ANKRD31: variants seen among roughly 807,000 people sequenced by gnomAD.
ANKRD31 encodes ankyrin repeat domain-containing protein 31.
Under a neutral mutation model 186.0 loss-of-function variants are expected in ANKRD31, and 147 were observed. The observed-to-expected ratio is 0.79, with a 90% CI of 0.69 to 0.91. The LOEUF is 0.91. ANKRD31 is among the 40% of genes least tolerant of loss of function. The pLI is 0.00. For synonymous variants in ANKRD31, 673 were observed against 736.4 expected (o/e 0.91, Z 1.39); for missense variants, 1,986 against 2,148.8 (o/e 0.92, Z 1.50).
At chr5:75,084,878 T>C (rs1480225322) in intron 23 of ANKRD31, among the ~76,000 whole-genome samples, 6 of 152,134 alleles carry the variant, frequency 3.9e-5, no homozygotes, top group Non-Finnish European at 5.9e-5. Context: ...AGACATCCAT[T>C]TTTTTTGGTT....
chr5:75,226,147 T>G (rs1367732984), intron 2 of ANKRD31, among the ~76,000 whole-genome samples: 1 of 152,164 alleles, frequency 6.6e-6, no homozygotes, highest in Non-Finnish European at 1.5e-5. Context: ...CACAGTAGAA[T>G]AGAATACCAC....
intron 19 of ANKRD31, among the ~76,000 whole-genome samples, chr5:75,114,381 T>G (rs1179403670): frequency 6.6e-6 from 1 of 152,184 alleles, no homozygotes; most frequent in Non-Finnish European, 1.5e-5. Flanking sequence ...GGATAGCAGC[T>G]ACTCCATAAT....
chr5:75,148,733 T>C (rs1751657634), intron 12 of ANKRD31, 105 bp from the exon 13 acceptor site: 1 of 698,488 alleles, frequency 1.4e-6, no homozygotes, highest in East Asian at 3.0e-5. Flanking sequence ...GTGGAATAAG[T>C]GAAATTATGC....
chr5:75,145,755 T>C (rs1182107316), intron 14 of ANKRD31, among the ~76,000 whole-genome samples: 1 of 152,014 alleles, frequency 6.6e-6, no homozygotes, highest in East Asian at 1.9e-4. Context: ...AAAACTACTG[T>C]TTATTACCAT....
chr5:75,176,658 C>A (rs1432736195), intron 10 of ANKRD31, among the ~76,000 whole-genome samples: 2 of 152,166 alleles, frequency 1.3e-5, no homozygotes, highest in South Asian at 4.1e-4. Context: ...TCCAACAGAC[C>A]TGCAGCTGAG....
rs12953205 is a variant in ANKRD31, at chr5:75,134,198, A to T, written c.3876+3658T>A. Among the ~76,000 whole-genome samples the T allele has an allele frequency of 1.5e-4, 23 of 152,230 alleles. No homozygotes were observed. In the South Asian group the frequency reaches 4.8e-3, roughly 32 times the overall value. On this transcript the variant is annotated intron_variant, in intron 17 of 25. Coordinates refer to ENST00000506364, the MANE Select transcript of ANKRD31 (RefSeq NM_001372053.1). ...ACTGAAGGAGATAGAGACACAAAAA[A>T]CCCTTCAAAATATTAATGAATCCAG...
At chr5:75,102,344 T>A (rs905135627) in intron 22 of ANKRD31, among the ~76,000 whole-genome samples, 36 of 152,228 alleles carry the variant, frequency 2.4e-4, no homozygotes, top group African/African-American at 8.7e-4. Context: ...TTGGCCCTAA[T>A]GGGAGATGCC....
chr5:75,217,573 G>A (rs1207756406), intron 3 of ANKRD31, among the ~76,000 whole-genome samples: 1 of 152,028 alleles, frequency 6.6e-6, no homozygotes. Context: ...AATTAGGATT[G>A]CATCACCTGC....
chr5:75,081,700 C>CAGAGAGAG (rs935046250), intron 24 of ANKRD31, among the ~76,000 whole-genome samples: 68 of 137,082 alleles, frequency 5.0e-4, no homozygotes, highest in Admixed American at 1.9e-3. Context: ...GAGAGAGAGA[C>CAGAGAGAG]AGAGAGAGAG....
chr5:75,117,781 G>A (rs1198914487), intron 18 of ANKRD31, among the ~76,000 whole-genome samples: 1 of 151,908 alleles, frequency 6.6e-6, no homozygotes, highest in Non-Finnish European at 1.5e-5. Context: ...CCTCTTAGTT[G>A]CAAAAACTTC....
intron 9 of ANKRD31, 65 bp from the exon 10 acceptor site, chr5:75,188,713 C>G: frequency 7.4e-7 from 1 of 1,353,282 alleles, no homozygotes. Flanking sequence ...ATACGGATTA[C>G]AAACCACATA....
At chr5:75,100,470 C>G (rs568115606) in intron 22 of ANKRD31, among the ~76,000 whole-genome samples, 5 of 151,946 alleles carry the variant, frequency 3.3e-5, no homozygotes, top group African/African-American at 9.7e-5. Flanking sequence ...TCAATTCCTG[C>G]ATATCCTTGT....
In ANKRD31 at chr5:75,105,181, C is replaced by T. The variant is rs778595339; in HGVS notation, c.4378G>A (p.Glu1460Lys). The T allele has an allele frequency of 6.5e-6, 10 of 1,532,908 alleles. No homozygotes were observed. The highest frequency in any genetic ancestry group is 3.6e-5 in the South Asian group (3 of 83,276). The allele number at this position is 1,532,908 out of a possible 1,614,324, so 95.0% of individuals were successfully genotyped here. The change falls in exon 22 of 26, where the codon GAA becomes AAA. Residue 1460 changes from glutamate (E) to lysine (K), a missense_variant. Coordinates refer to ENST00000506364, the MANE Select transcript of ANKRD31 (RefSeq NM_001372053.1). The stretch of plus-strand genomic sequence containing the variant: ...CTTGCAGCCAAGTTGGCCAATTGTT[C>T]TCTCAGGGCTCCATGCTTAAATGAC... ...IESFKHGALR[E>K]QLANLAARQK...
intron 10 of ANKRD31, among the ~76,000 whole-genome samples, chr5:75,177,250 C>T (rs952677253): frequency 3.3e-5 from 5 of 152,146 alleles, no homozygotes; most frequent in African/African-American, 7.2e-5. Flanking sequence ...ACCAAATCTA[C>T]GTCTAATTGC....
intron 22 of ANKRD31, among the ~76,000 whole-genome samples, chr5:75,096,911 T>C (rs1412164604): frequency 6.7e-6 from 1 of 148,980 alleles, no homozygotes; most frequent in Admixed American, 6.9e-5. Flanking sequence ...ACATGCAGCG[T>C]TCGGTTTTCT....
chr5:75,217,942 G>A (rs1757059152), intron 3 of ANKRD31, among the ~76,000 whole-genome samples: 1 of 152,088 alleles, frequency 6.6e-6, no homozygotes, highest in Non-Finnish European at 1.5e-5. Flanking sequence ...CTCTTGTAAG[G>A]AAGTTCTGGT....
chr5:75,181,330 T>G (rs913205663), intron 10 of ANKRD31, among the ~76,000 whole-genome samples: 1 of 152,248 alleles, frequency 6.6e-6, no homozygotes, highest in African/African-American at 2.4e-5. Context: ...GGTGTGGCGA[T>G]TCCTCAGGGA....
chr5:75,188,718 C>A, intron 9 of ANKRD31, 70 bp from the exon 10 acceptor site: 2 of 1,325,900 alleles, frequency 1.5e-6, no homozygotes, highest in East Asian at 2.5e-5. Flanking sequence ...GATTACAAAC[C>A]ACATATTTCA....
chr5:75,204,942 T>C (rs992008184), intron 5 of ANKRD31, among the ~76,000 whole-genome samples: 1 of 152,232 alleles, frequency 6.6e-6, no homozygotes, highest in African/African-American at 2.4e-5. Flanking sequence ...GCTGGAAACA[T>C]GGCTCATGCA....
Sources: allele counts gnomAD v4.1 joint callset (sites outside exome capture counted in the v4.1 genomes callset), GRCh38; gene constraint gnomAD v4.1.1; transcripts MANE v1.5; gene names NCBI Gene and HGNC (gene_info 2026-07-23, HGNC 2026-07-21).